MAF: variants seen among roughly 807,000 people sequenced by gnomAD.
MAF encodes the protein MAF bZIP transcription factor.
A neutral mutation model predicts 22.0 loss-of-function variants in MAF; 10 were observed. That is an observed-to-expected ratio of 0.45 (90% confidence interval 0.28 to 0.77). MAF has a LOEUF of 0.77. Ranked by LOEUF, MAF falls within the 30% of genes least tolerant of loss-of-function variation. The pLI is 0.12. For synonymous variants in MAF, 337 were observed against 255.8 expected (o/e 1.32, Z -3.03); for missense variants, 544 against 548.4 (o/e 0.99, Z 0.08).
At chr16:79,586,349 G>T (rs1411426003) in intron 1 of MAF, among the ~76,000 whole-genome samples, 1 of 152,152 alleles carries the variant, frequency 6.6e-6, no homozygotes, top group Non-Finnish European at 1.5e-5. Flanking sequence ...GTCCGCCCCT[G>T]GGAGAACCAC....
chr16:79,511,529 T>C, the MAF span, among the ~76,000 whole-genome samples: 1 of 152,262 alleles, frequency 6.6e-6, no homozygotes, highest in South Asian at 2.1e-4. Flanking sequence ...ATTTCAAAAA[T>C]AAGGGAGACG....
chr16:79,503,093 T>C, the MAF span, among the ~76,000 whole-genome samples: 8 of 152,120 alleles, frequency 5.3e-5, no homozygotes, highest in Non-Finnish European at 1.2e-4. Flanking sequence ...AGATATTAAG[T>C]TGCTAAGAAG....
chr16:79,482,909 C>G, the MAF span, among the ~76,000 whole-genome samples: 25 of 103,830 alleles, frequency 2.4e-4, no homozygotes, highest in African/African-American at 9.7e-4. Context: ...TCCCTACCTC[C>G]TTCCTTCCCT....
the MAF span, among the ~76,000 whole-genome samples, chr16:79,393,583 A>G: frequency 6.6e-6 from 1 of 152,198 alleles, no homozygotes; most frequent in East Asian, 1.9e-4. Flanking sequence ...TTTTTAGGGG[A>G]ATTAACCAGC....
the MAF span, among the ~76,000 whole-genome samples, chr16:79,412,434 G>C: frequency 3.5e-3 from 537 of 152,330 alleles, 5 homozygotes; most frequent in African/African-American, 0.012. Context: ...GACATTGGTT[G>C]AAATCCCAGC....
chr16:79,430,251 G>A, the MAF span, among the ~76,000 whole-genome samples: 2 of 152,212 alleles, frequency 1.3e-5, no homozygotes, highest in Non-Finnish European at 2.9e-5. Flanking sequence ...GAAATAAGCT[G>A]GAGCTATATT....
chr16:79,511,260 A>G, the MAF span, among the ~76,000 whole-genome samples: 4 of 152,192 alleles, frequency 2.6e-5, no homozygotes, highest in Non-Finnish European at 4.4e-5. Flanking sequence ...AAAAAAGAAA[A>G]GAAAAGGAAA....
chr16:79,506,942 G>C, the MAF span, among the ~76,000 whole-genome samples: 1 of 152,182 alleles, frequency 6.6e-6, no homozygotes, highest in Non-Finnish European at 1.5e-5. Context: ...TTAGAGGGGT[G>C]TATAGGAACT....
At chr16:79,536,258 C>T in the MAF span, among the ~76,000 whole-genome samples, 9 of 152,226 alleles carry the variant, frequency 5.9e-5, no homozygotes, top group African/African-American at 2.2e-4. Context: ...TGCCAGTCAA[C>T]AACAGCAACA....
chr16:79,446,805 T>A, the MAF span, among the ~76,000 whole-genome samples: 1 of 151,688 alleles, frequency 6.6e-6, no homozygotes, highest in African/African-American at 2.4e-5. Context: ...GCTACACAGG[T>A]TGCGAGTCAG....
At chr16:79,566,134 T>C in the MAF span, among the ~76,000 whole-genome samples, 1 of 152,254 alleles carries the variant, frequency 6.6e-6, no homozygotes, top group South Asian at 2.1e-4. Context: ...CAGAACAACA[T>C]CTCTGTAGAT....
the MAF span, among the ~76,000 whole-genome samples, chr16:79,241,731 C>T: frequency 6.6e-6 from 1 of 151,802 alleles, no homozygotes; most frequent in Non-Finnish European, 1.5e-5. Flanking sequence ...AACCCCAAGA[C>T]ACATGCTTAT....
chr16:79,373,152 C>T, the MAF span, among the ~76,000 whole-genome samples: 1 of 152,114 alleles, frequency 6.6e-6, no homozygotes, highest in African/African-American at 2.4e-5. Flanking sequence ...TTCCCTCATC[C>T]TTGCCTTAAT....
chr16:79,469,055 C>T, the MAF span, among the ~76,000 whole-genome samples: 4 of 152,214 alleles, frequency 2.6e-5, no homozygotes, highest in Non-Finnish European at 2.9e-5. Context: ...AGCCACCCCA[C>T]ACCCAATCAT....
chr16:79,333,008 G>A, the MAF span, among the ~76,000 whole-genome samples: 65 of 152,340 alleles, frequency 4.3e-4, no homozygotes, highest in African/African-American at 1.4e-3. Context: ...CAGCTGGACT[G>A]GCGCACAGCA....
the MAF span, among the ~76,000 whole-genome samples, chr16:79,209,666 T>G: frequency 9.8e-5 from 15 of 152,296 alleles, no homozygotes; most frequent in Middle Eastern, 3.4e-3. Flanking sequence ...AAACACCATC[T>G]CCACCAGAAC....
the MAF span, among the ~76,000 whole-genome samples, chr16:79,460,835 T>C: frequency 2.6e-5 from 4 of 152,358 alleles, no homozygotes; most frequent in African/African-American, 7.2e-5. Context: ...TTGCTTTTTA[T>C]GGTGAGTGGC....
chr16:79,219,777 C>T, the MAF span, among the ~76,000 whole-genome samples: 6 of 152,008 alleles, frequency 3.9e-5, no homozygotes, highest in Non-Finnish European at 8.8e-5. Flanking sequence ...TCCTACCGTG[C>T]TTTATTTTCA....
chr16:79,305,748 G>A, the MAF span, among the ~76,000 whole-genome samples: 1 of 152,176 alleles, frequency 6.6e-6, no homozygotes, highest in African/African-American at 2.4e-5. Flanking sequence ...GCAGAGAGAG[G>A]AATTTACTGA....
Sources: allele counts gnomAD v4.1 joint callset (sites outside exome capture counted in the v4.1 genomes callset), GRCh38; gene constraint gnomAD v4.1.1; transcripts MANE v1.5; gene names NCBI Gene and HGNC (gene_info 2026-07-23, HGNC 2026-07-21).